Variants in LANCL2 observed in about 807,000 individuals in gnomAD.
The protein encoded by LANCL2 is LanC like glutathione S-transferase 2, also known as lanC-like protein 2.
In LANCL2, 33 loss-of-function variants were observed where a neutral mutation model predicts 56.9. The ratio of observed to expected loss-of-function variants is 0.58; its 90% confidence interval spans 0.44 to 0.78. The LOEUF (loss-of-function observed/expected upper bound fraction) is 0.78, where lower values mean the gene tolerates loss of function less well. LANCL2 is among the 30% of genes least tolerant of loss of function. The pLI is 0.00. For synonymous variants in LANCL2, 233 were observed against 228.2 expected (o/e 1.02, Z -0.19); for missense variants, 562 against 580.2 (o/e 0.97, Z 0.32).
At position 55,425,339 on chromosome 7, in the gene LANCL2, G is replaced by A. The variant is rs1281324418; in HGVS notation, c.1094G>A (p.Gly365Glu). The change falls in exon 7 of 9, where the codon GGG becomes GAG. Residue 365 changes from glycine to glutamate, a missense_variant. Physicochemically the swap from Gly to Glu is moderately conservative, Grantham distance 98. This residue lies in a region of LANCL2 where 378 missense variants were observed against 468.4 expected (regional missense o/e 0.81). Coordinates refer to ENST00000254770, the MANE Select transcript of LANCL2 (RefSeq NM_018697.4). ...CGAGGTTTGCTGCGGAAGGGCTACG[G>A]GATATGCCATGGGACTGCTGGCAAC... ...WQRGLLRKGY[G>E]ICHGTAGNGY... 6.2e-7 allele frequency: 1 copy of A among 1,614,024 alleles called. No individual in the cohort carries two copies. Among genetic ancestry groups the A allele is most frequent in the South Asian group, 1.1e-5 (1 of 91,080 alleles).
intron 1 of LANCL2, among the ~76,000 whole-genome samples, chr7:55,375,348 A>G (rs1311984663): frequency 6.6e-6 from 1 of 152,260 alleles, no homozygotes; most frequent in Non-Finnish European, 1.5e-5. Flanking sequence ...TAGTTTTCAG[A>G]TGGAATGACT....
intron 7 of LANCL2, among the ~76,000 whole-genome samples, chr7:55,427,667 C>T (rs1790679510): frequency 6.6e-6 from 1 of 152,204 alleles, no homozygotes; most frequent in African/African-American, 2.4e-5. Context: ...AGGGGAAAAG[C>T]AGAGTGAGTT....
intron 5 of LANCL2, among the ~76,000 whole-genome samples, chr7:55,411,664 A>AC (rs769379612): frequency 1.2e-4 from 18 of 152,322 alleles, no homozygotes; most frequent in Non-Finnish European, 2.2e-4. Flanking sequence ...CATTTCCTTT[A>AC]CTACTCTCTT....
chr7:55,427,409 A>G (rs1477542253), intron 7 of LANCL2, among the ~76,000 whole-genome samples: 2 of 152,210 alleles, frequency 1.3e-5, no homozygotes, highest in Non-Finnish European at 2.9e-5. Context: ...AGTAGGAAGA[A>G]TGAGGCGGGC....
intron 6 of LANCL2, among the ~76,000 whole-genome samples, chr7:55,413,520 A>C (rs1217433267): frequency 6.6e-6 from 1 of 152,194 alleles, no homozygotes; most frequent in African/African-American, 2.4e-5. Flanking sequence ...GGTGCCAGGA[A>C]CCAGGCTGTC....
At chr7:55,425,506 C>T in intron 7 of LANCL2, 76 bp downstream of exon 7, 1 of 1,338,168 alleles carries the variant, frequency 7.5e-7, no homozygotes, top group South Asian at 1.3e-5. Flanking sequence ...AAGTACAACT[C>T]CTGTTCCTTC....
At chr7:55,377,442 CTTCT>C (rs2128991435) in intron 1 of LANCL2, among the ~76,000 whole-genome samples, 2 of 152,164 alleles carry the variant, frequency 1.3e-5, no homozygotes, top group South Asian at 4.1e-4. Flanking sequence ...TCTTTTTCTT[CTTCT>C]TTCTGTCTCC....
chr7:55,419,277 T>C (rs948958628), intron 6 of LANCL2, among the ~76,000 whole-genome samples: 6 of 152,112 alleles, frequency 3.9e-5, no homozygotes, highest in Non-Finnish European at 8.8e-5. Context: ...TTGTTAATTG[T>C]GTTTTTCAAT....
rs1790727862 is a variant in LANCL2, at chr7:55,431,602, T to G, written c.*282T>G. ...GTAAGCTGTTTTAAATGGAAGGCCC[T>G]TCTATTCCTGAGGGCTCAGAGCTGA... On this transcript the variant is annotated 3_prime_UTR_variant, in exon 9 of 9. Coordinates refer to ENST00000254770, the MANE Select transcript of LANCL2 (RefSeq NM_018697.4). 2.9e-6 allele frequency: 1 copy of G among 342,056 alleles called. No homozygotes were observed. The highest frequency in any genetic ancestry group is 2.1e-5 in the African/African-American group (1 of 47,644). 21.2% of individuals were successfully genotyped at this position (342,056 alleles called of 1,614,324 possible).
intron 1 of LANCL2, among the ~76,000 whole-genome samples, chr7:55,384,697 A>T (rs1790105745): frequency 6.6e-6 from 1 of 152,240 alleles, no homozygotes; most frequent in African/African-American, 2.4e-5. Flanking sequence ...AACACATTAT[A>T]TATAGGGAAT....
At chr7:55,428,045 A>G (rs1790684360) in intron 7 of LANCL2, 11 of 333,180 alleles carry the variant, frequency 3.3e-5, no homozygotes, top group Admixed American at 3.2e-4. Context: ...AGGATAGAGC[A>G]GGCGTTTCGA....
Position 55,365,856 on chromosome 7 carries a change from C to G in LANCL2, c.-170C>G. On this transcript the variant is annotated 5_prime_UTR_variant, in exon 1 of 9. Coordinates refer to ENST00000254770, the MANE Select transcript of LANCL2 (RefSeq NM_018697.4). ...TGCGGCCGCCTGATGTGCGAGCAGC[C>G]CGCGACGAGGCAGTGCACGCTCAGA... The G allele has an allele frequency of 2.1e-6, 1 of 481,400 alleles. No homozygotes were observed. Among genetic ancestry groups the G allele is most frequent in the Non-Finnish European group, 3.6e-6 (1 of 278,152 alleles). 29.8% of individuals were successfully genotyped at this position (481,400 alleles called of 1,614,324 possible). A position where few individuals can be genotyped will look rare whatever the true frequency, so the allele number is the denominator to read the frequency against.
chr7:55,366,051 T>C lies in LANCL2; in HGVS notation c.26T>C (p.Leu9Pro), dbSNP rs377749526. The C allele has an allele frequency of 2.6e-6, 4 of 1,516,582 alleles. 1 individual carries two copies. In the African/African-American group the frequency reaches 5.7e-5, roughly 22 times the overall value. The allele number at this position is 1,516,582 out of a possible 1,614,324, so 93.9% of individuals were successfully genotyped here. The change falls in exon 1 of 9, where the codon CTG becomes CCG. Residue 9 changes from leucine to proline, a missense_variant. By Grantham distance (98) the Leu-to-Pro change is moderately conservative (BLOSUM62 -3). Around this residue, in one of 2 missense-constraint regions of LANCL2, gnomAD observed 184 missense variants for 111.8 expected, o/e 1.65. Transcript: ENST00000254770. Reference sequence around the variant, plus strand: ...ATGGGCGAGACCATGTCAAAGAGGCTGAAGCTCCACCTGGGAGGGGAGGCA... The same window carrying C: ...ATGGGCGAGACCATGTCAAAGAGGCCGAAGCTCCACCTGGGAGGGGAGGCA... Reference protein sequence around the residue: MGETMSKRLKLHLGGEAEM... With the variant: MGETMSKRPKLHLGGEAEM...
chr7:55,389,407 T>C (rs143676140), intron 1 of LANCL2, among the ~76,000 whole-genome samples: 171 of 152,334 alleles, frequency 1.1e-3, no homozygotes, highest in African/African-American at 4.0e-3. Flanking sequence ...AACTGTATGT[T>C]ACACAAGAGA....
In LANCL2 at chr7:55,365,750, G is replaced by A. The variant is rs1454743045; in HGVS notation, c.-276G>A. 3 of 328,296 alleles carry A rather than the reference G, an allele frequency of 9.1e-6. No homozygotes were observed. Among genetic ancestry groups the A allele is most frequent in the African/African-American group, 6.4e-5 (3 of 46,954 alleles). The allele number at this position is 328,296 out of a possible 1,614,324, so 20.3% of individuals were successfully genotyped here. ...GCGAGCAGGCTGTGAGCCGCTGGGC[G>A]CTCCCGCGAGCCCGCTCCTCTCCGT... On this transcript the variant is annotated 5_prime_UTR_variant, in exon 1 of 9. Coordinates refer to ENST00000254770, the MANE Select transcript of LANCL2 (RefSeq NM_018697.4).
rs1326406040 is a variant in LANCL2, at chr7:55,433,285, T to C, written c.*1965T>C. ...AACACTATTAGTCTTTCTAACACAC[T>C]GAGGGAAAGATTAAAATCTGTGGAA... On this transcript the variant is annotated 3_prime_UTR_variant, in exon 9 of 9. Coordinates refer to ENST00000254770, the MANE Select transcript of LANCL2 (RefSeq NM_018697.4). 6.6e-6 allele frequency: 1 copy of C among 152,190 alleles called. No individual in the cohort carries two copies. The highest frequency in any genetic ancestry group is 1.5e-5 in the Non-Finnish European group (1 of 68,044). The allele number at this position is 152,190 out of a possible 1,614,324, so 9.4% of individuals were successfully genotyped here. A position where few individuals can be genotyped will look rare whatever the true frequency, so the allele number is the denominator to read the frequency against.
chr7:55,370,776 A>C (rs1019576687), intron 1 of LANCL2, among the ~76,000 whole-genome samples: 1 of 152,178 alleles, frequency 6.6e-6, no homozygotes, highest in Non-Finnish European at 1.5e-5. Context: ...TGAGAATATC[A>C]AGGAGTACGG....
chr7:55,425,133 C>G, intron 6 of LANCL2, 121 bp from the exon 7 acceptor site: 1 of 894,352 alleles, frequency 1.1e-6, no homozygotes, highest in Non-Finnish European at 1.7e-6. Flanking sequence ...CTGTTTTTCA[C>G]CCCCAGTGCC....
chr7:55,408,561 T>G (rs558560381), intron 5 of LANCL2, among the ~76,000 whole-genome samples: 1 of 151,714 alleles, frequency 6.6e-6, no homozygotes, highest in South Asian at 2.1e-4. Flanking sequence ...CCCAGCTGCT[T>G]GGGAGGCTGA....
Sources: gnomAD v4.1 joint callset for allele counts (sites outside exome capture counted in the v4.1 genomes callset) on GRCh38, gnomAD v4.1.1 for gene constraint, gnomAD v4.1.1 regional missense constraint, MANE v1.5 for transcripts, NCBI Gene and HGNC (gene_info 2026-07-23, HGNC 2026-07-21) for gene names.